Variants in BTRC observed in about 807,000 individuals in gnomAD.
BTRC encodes F-box/WD repeat-containing protein 1A.
BTRC carries 42 observed loss-of-function variants against 85.5 expected under a neutral mutation model. The observed-to-expected ratio is 0.49, with a 90% CI of 0.38 to 0.64. The LOEUF is 0.64. BTRC is among the 30% of genes least tolerant of loss of function. The pLI is 0.00. For synonymous variants in BTRC, 255 were observed against 263.3 expected, an observed-to-expected ratio of 0.97 and a Z score of 0.30; for missense variants, 594 against 743.5, an observed-to-expected ratio of 0.80 and a Z score of 2.34.
chr10:101,521,021 A>G (rs1231393891), intron 4 of BTRC, among the ~76,000 whole-genome samples: 1 of 152,102 alleles, frequency 6.6e-6, no homozygotes, highest in African/African-American at 2.4e-5. Flanking sequence ...TAATCCCAGC[A>G]CTTTGGAAAG....
At position 101,402,062 on chromosome 10, in the gene BTRC, GTC is replaced by G. The variant is rs1943506533; in HGVS notation, c.49-28281_49-28280del. On this transcript the variant is annotated intron_variant, in intron 1 of 14. Coordinates refer to ENST00000370187, the MANE Select transcript of BTRC (RefSeq NM_033637.4). ...TTTTTATAGGAAGTTATGAAAAAAAGTCTATATTAATTTGCTTTGGGTCATTC... is the reference window on the plus strand; with the variant it reads ...TTTTTATAGGAAGTTATGAAAAAAAGTATATTAATTTGCTTTGGGTCATTC... Among the ~76,000 whole-genome samples, 3 of 152,228 alleles carry G rather than the reference GTC, an allele frequency of 2.0e-5. No homozygotes were observed. In the South Asian group the frequency reaches 6.2e-4, roughly 32 times the overall value.
chr10:101,516,438 A>C (rs1383265285), intron 4 of BTRC, among the ~76,000 whole-genome samples: 1 of 152,296 alleles, frequency 6.6e-6, no homozygotes, highest in Non-Finnish European at 1.5e-5. Flanking sequence ...AAAACAATAC[A>C]GTATGGGGTA....
At chr10:101,397,817 A>G (rs1454732976) in intron 1 of BTRC, among the ~76,000 whole-genome samples, 1 of 152,202 alleles carries the variant, frequency 6.6e-6, no homozygotes, top group East Asian at 1.9e-4. Context: ...ATGCAGCATT[A>G]TGATTGCCTA....
At chr10:101,397,847 A>G (rs1008097849) in intron 1 of BTRC, among the ~76,000 whole-genome samples, 1 of 152,252 alleles carries the variant, frequency 6.6e-6, no homozygotes, top group African/African-American at 2.4e-5. Context: ...GGATTTGATG[A>G]TAAATGATAA....
intron 3 of BTRC, among the ~76,000 whole-genome samples, chr10:101,473,380 G>A (rs1275926379): frequency 1.3e-5 from 2 of 151,152 alleles, no homozygotes; most frequent in East Asian, 1.9e-4. Context: ...GACCTTCTGG[G>A]CTCAAGCAAC....
chr10:101,398,074 G>GT (rs1943408338), intron 1 of BTRC, among the ~76,000 whole-genome samples: 1 of 152,126 alleles, frequency 6.6e-6, no homozygotes, highest in African/African-American at 2.4e-5. Context: ...GCTTGCACAG[G>GT]TTTTTGTGGT....
intron 1 of BTRC, among the ~76,000 whole-genome samples, chr10:101,400,597 A>G (rs989236073): frequency 6.6e-6 from 1 of 152,188 alleles, no homozygotes; most frequent in African/African-American, 2.4e-5. Flanking sequence ...CTCCCTGTCA[A>G]AGGATTTTAC....
chr10:101,458,036 A>G (rs1326580750), intron 2 of BTRC, among the ~76,000 whole-genome samples: 1 of 152,186 alleles, frequency 6.6e-6, no homozygotes, highest in Non-Finnish European at 1.5e-5. Context: ...GTAATGTTCC[A>G]TCCCCCCTAA....
Position 101,556,438 on chromosome 10 carries a change from T to A in BTRC, c.*3315T>A, listed in dbSNP as rs187374707. On this transcript the variant is annotated 3_prime_UTR_variant, in exon 15 of 15. Coordinates refer to ENST00000370187, the MANE Select transcript of BTRC (RefSeq NM_033637.4). ...CTAGATACCTTGGTACTGTTGACCT[T>A]CTCAGCATCTCCCTTTTGCCTTAGA... is the stretch of plus-strand genomic sequence containing the variant. 1 of 152,314 alleles carries A rather than the reference T, an allele frequency of 6.6e-6. No individual in the cohort carries two copies. The highest frequency in any genetic ancestry group is 1.9e-4 in the East Asian group (1 of 5,182). The allele number at this position is 152,314 out of a possible 1,614,324, so 9.4% of individuals were successfully genotyped here.
chr10:101,434,551 A>G (rs1251885175), intron 2 of BTRC, among the ~76,000 whole-genome samples: 3 of 152,180 alleles, frequency 2.0e-5, no homozygotes, highest in African/African-American at 7.2e-5. Flanking sequence ...CTAAGATACA[A>G]AAAATATGAA....
Position 101,505,676 on chromosome 10 carries a change from G to C in BTRC, c.325-15963G>C, listed in dbSNP as rs886822040. 4.0e-5 allele frequency among the ~76,000 whole-genome samples: 6 copies of C among 151,574 alleles called. No homozygotes were observed. In the South Asian group the frequency reaches 1.3e-3, roughly 32 times the overall value. On this transcript the variant is annotated intron_variant, in intron 4 of 14. Transcript: ENST00000370187. ...AAAACAAATATACCCACCAAAATGT[G>C]AACATTATGTCTTTGTTGATAGTTG...
At chr10:101,475,953 A>ATATATATATATATATATG (rs1265691229) in intron 3 of BTRC, among the ~76,000 whole-genome samples, 1 of 133,806 alleles carries the variant, frequency 7.5e-6, no homozygotes, top group Non-Finnish European at 1.6e-5. Context: ...ATATATATAT[A>ATATATATATATATATATG]TTCAGTAATT....
rs1430570049 is a variant in BTRC at position 101,555,766 on chromosome 10, G to A, written c.*2643G>A. ...CATTCCAAGGAGTGGTAGAAACAGA[G>A]CTGAAGGTGTCCCCATTGTAGATTA... On this transcript the variant is annotated 3_prime_UTR_variant, in exon 15 of 15. Transcript: ENST00000370187. 6.6e-6 allele frequency: 1 copy of A among 152,488 alleles called. No homozygotes were observed. Among genetic ancestry groups the A allele is most frequent in the African/African-American group, 2.4e-5 (1 of 41,450 alleles). 9.4% of individuals were successfully genotyped at this position (152,488 alleles called of 1,614,324 possible).
chr10:101,457,109 A>G (rs945681146), intron 2 of BTRC, among the ~76,000 whole-genome samples: 1 of 152,242 alleles, frequency 6.6e-6, no homozygotes, highest in African/African-American at 2.4e-5. Flanking sequence ...TAAGAATAAA[A>G]TAGAACAGTT....
intron 1 of BTRC, among the ~76,000 whole-genome samples, chr10:101,399,279 A>G (rs1243122169): frequency 6.6e-6 from 1 of 151,686 alleles, no homozygotes; most frequent in Non-Finnish European, 1.5e-5. Flanking sequence ...AAAAAGAAGA[A>G]AAAGATGGAG....
intron 3 of BTRC, among the ~76,000 whole-genome samples, chr10:101,475,922 C>CATAGATATAT (rs1945667353): frequency 1.5e-5 from 1 of 67,538 alleles, no homozygotes; most frequent in Non-Finnish European, 3.0e-5. Flanking sequence ...AGTATTTTGC[C>CATAGATATAT]ATATATATAT....
chr10:101,442,461 C>T (rs1001080639), intron 2 of BTRC, among the ~76,000 whole-genome samples: 2 of 152,046 alleles, frequency 1.3e-5, no homozygotes, highest in African/African-American at 4.8e-5. Context: ...CTCAGTCTAA[C>T]CCCATCCAGT....
At chr10:101,415,551 G>T (rs9887995) in intron 1 of BTRC, among the ~76,000 whole-genome samples, 115,535 of 118,216 alleles carry the variant, frequency 0.98, 56,667 homozygotes, top group East Asian at 1. Flanking sequence ...GTTATGTTAT[G>T]TTATTTTGAG....
intron 4 of BTRC, among the ~76,000 whole-genome samples, chr10:101,503,234 T>G (rs1589560372): frequency 6.6e-6 from 1 of 152,276 alleles, no homozygotes; most frequent in East Asian, 1.9e-4. Context: ...TGAGTCTCAG[T>G]GCATATGTAA....
Sources: gnomAD v4.1 joint callset for allele counts (sites outside exome capture counted in the v4.1 genomes callset) on GRCh38, gnomAD v4.1.1 for gene constraint, MANE v1.5 for transcripts, NCBI Gene and HGNC (gene_info 2026-07-23, HGNC 2026-07-21) for gene names.